Variants in INSIG2 observed in about 807,000 individuals in gnomAD.
INSIG2 encodes insulin induced gene 2, also known as insulin-induced gene 2 protein.
In INSIG2, 10 loss-of-function variants were observed where a neutral mutation model predicts 27.2. The observed-to-expected ratio is 0.37, with a 90% CI of 0.23 to 0.62. The LOEUF (loss-of-function observed/expected upper bound fraction) is 0.62, where lower values mean the gene tolerates loss of function less well. INSIG2 is among the 20% of genes least tolerant of loss of function. INSIG2 has a pLI of 0.65. For missense variants in INSIG2, 178 were observed against 270.2 expected (o/e 0.66, Z 2.39); for synonymous variants, 97 against 95.8 (o/e 1.01, Z -0.07).
rs572183654 is a variant in INSIG2 at position 118,110,956 on chromosome 2, A to G, written c.*2634A>G. On this transcript the variant is annotated 3_prime_UTR_variant, in exon 6 of 6. Coordinates refer to ENST00000245787, the MANE Select transcript of INSIG2 (RefSeq NM_016133.4). ...ATACATCTTGTATTTTCCAGGTAGA[A>G]GTCAGACTTGGTTAATACCAATAAA... is the stretch of plus-strand genomic sequence containing the variant. 1 of 152,344 alleles carries G rather than the reference A, an allele frequency of 6.6e-6. No homozygotes were observed. The highest frequency in any genetic ancestry group is 2.1e-4 in the South Asian group (1 of 4,830). 9.4% of individuals were successfully genotyped at this position (152,344 alleles called of 1,614,324 possible).
chr2:118,096,917 G>A (rs1302104920), intron 2 of INSIG2, 117 bp downstream of exon 2: 24 of 1,156,550 alleles, frequency 2.1e-5, no homozygotes, highest in East Asian at 5.2e-5. Flanking sequence ...ATATAATTTA[G>A]GTATAATACA....
intron 2 of INSIG2, among the ~76,000 whole-genome samples, chr2:118,101,941 C>T (rs1254804775): frequency 1.3e-5 from 2 of 152,206 alleles, no homozygotes; most frequent in Non-Finnish European, 2.9e-5. Flanking sequence ...GGTGGTCACA[C>T]AGCCTTTTTC....
intron 2 of INSIG2, among the ~76,000 whole-genome samples, chr2:118,102,201 C>T (rs1388913840): frequency 6.6e-6 from 1 of 152,210 alleles, no homozygotes. Flanking sequence ...AATGGCACAA[C>T]ATAATCATCC....
chr2:118,106,648 C>A, intron 3 of INSIG2, 89 bp from the exon 4 acceptor site: 1 of 1,019,324 alleles, frequency 9.8e-7, no homozygotes, highest in Non-Finnish European at 1.5e-6. Context: ...TAATTCCCTT[C>A]TCAACAGAGG....
At chr2:118,098,086 A>G (rs1349491497) in intron 2 of INSIG2, among the ~76,000 whole-genome samples, 1 of 152,248 alleles carries the variant, frequency 6.6e-6, no homozygotes, top group East Asian at 1.9e-4. Context: ...AATAAAAAAC[A>G]AATTAAATTG....
intron 2 of INSIG2, 148 bp downstream of exon 2, chr2:118,096,948 C>A: frequency 1.1e-6 from 1 of 874,206 alleles, no homozygotes. Flanking sequence ...TTGAATTGAA[C>A]AACTTGATGT....
At chr2:118,102,102 G>A (rs1457561081) in intron 2 of INSIG2, among the ~76,000 whole-genome samples, 1 of 152,180 alleles carries the variant, frequency 6.6e-6, no homozygotes, top group Non-Finnish European at 1.5e-5. Flanking sequence ...TTAGATTTTG[G>A]CGTTGTAATT....
intron 1 of INSIG2, among the ~76,000 whole-genome samples, chr2:118,093,199 A>G (rs374072998): frequency 4.3e-4 from 17 of 39,940 alleles, no homozygotes; most frequent in African/African-American, 2.2e-3. Flanking sequence ...GAACCTTGCC[A>G]AAAGCAACCA....
At chr2:118,096,936 G>A (rs151261239) in intron 2 of INSIG2, 136 bp downstream of exon 2, 5 of 960,434 alleles carry the variant, frequency 5.2e-6, no homozygotes, top group African/African-American at 5.0e-5. Flanking sequence ...CACTGGACCC[G>A]TTTGAATTGA....
chr2:118,107,818 T>C (rs1678711198), intron 5 of INSIG2, among the ~76,000 whole-genome samples: 1 of 152,212 alleles, frequency 6.6e-6, no homozygotes, highest in Admixed American at 6.5e-5. Context: ...TTGTTTTGAC[T>C]GGAAGCTTTT....
At chr2:118,095,268 C>T (rs1209183403) in intron 1 of INSIG2, among the ~76,000 whole-genome samples, 1 of 152,098 alleles carries the variant, frequency 6.6e-6, no homozygotes, top group Non-Finnish European at 1.5e-5. Context: ...GTATTTTTCC[C>T]ATTTAAAAAC....
chr2:118,105,063 C>T (rs189951743), intron 3 of INSIG2, among the ~76,000 whole-genome samples: 39 of 152,156 alleles, frequency 2.6e-4, no homozygotes, highest in South Asian at 1.0e-3. Context: ...TTTTTTGAGA[C>T]GGAGTCTTGC....
At chr2:118,101,757 T>C (rs1354817564) in intron 2 of INSIG2, among the ~76,000 whole-genome samples, 1 of 152,216 alleles carries the variant, frequency 6.6e-6, no homozygotes, top group Non-Finnish European at 1.5e-5. Context: ...TAAATAGGAA[T>C]ATAGTGTGAA....
In INSIG2 at chr2:118,106,884, G is replaced by GT; in HGVS notation, c.518dup (p.Tyr174IlefsTer2). 6.2e-7 allele frequency: 1 copy of GT among 1,614,040 alleles called. No individual in the cohort carries two copies. The highest frequency in any genetic ancestry group is 8.5e-7 in the Non-Finnish European group (1 of 1,179,942). ...GGCAACTGTGGTCACTCAACTGCTA[G>GT]TATATAATGGTGTTTACCAGTAAGT... On this transcript the variant is annotated frameshift_variant, in exon 4 of 6. Transcript: ENST00000245787. LOFTEE classifies it high-confidence loss of function.
At chr2:118,095,895 T>C (rs1678394261) in intron 1 of INSIG2, among the ~76,000 whole-genome samples, 1 of 152,198 alleles carries the variant, frequency 6.6e-6, no homozygotes, top group Non-Finnish European at 1.5e-5. Flanking sequence ...GATAACCAAA[T>C]AATAAACATT....
intron 1 of INSIG2, among the ~76,000 whole-genome samples, chr2:118,094,851 G>T (rs1001002134): frequency 2.0e-5 from 3 of 152,170 alleles, no homozygotes; most frequent in Admixed American, 6.5e-5. Flanking sequence ...TTCATTCAAA[G>T]GTTGTTTGAT....
Position 118,107,113 on chromosome 2 carries a change from A to G in INSIG2, c.560A>G (p.Tyr187Cys), listed in dbSNP as rs752958767. The change falls in exon 5 of 6, where the codon TAT (tyrosine) becomes TGT (cysteine). Residue 187 changes from tyrosine (Y) to cysteine (C), a missense_variant. Physicochemically the swap from Tyr to Cys is radical, Grantham distance 194. Transcript: ENST00000245787. The stretch of plus-strand genomic sequence containing the variant: ...AGATATACATCTCCAGATTTCCTCT[A>G]TGTTCGTTCTTGGTTACCATGTATA... Reference protein sequence around the residue: ...VYQYTSPDFLYVRSWLPCIFF... With the variant: ...VYQYTSPDFLCVRSWLPCIFF... 3 of 1,612,494 alleles carry G rather than the reference A, an allele frequency of 1.9e-6. No individual in the cohort carries two copies. Among genetic ancestry groups the G allele is most frequent in the Non-Finnish European group, 2.5e-6 (3 of 1,178,660 alleles).
intron 5 of INSIG2, among the ~76,000 whole-genome samples, 153 bp from the exon 6 acceptor site, chr2:118,108,128 A>T (rs2104542391): frequency 6.6e-6 from 1 of 152,080 alleles, no homozygotes; most frequent in East Asian, 1.9e-4. Context: ...TTTGTCATTT[A>T]ATCATAGTAA....
intron 2 of INSIG2, among the ~76,000 whole-genome samples, chr2:118,100,085 G>A (rs1678503588): frequency 1.3e-5 from 2 of 152,112 alleles, no homozygotes; most frequent in Admixed American, 6.5e-5. Context: ...TGTGTCTGAA[G>A]CTTACAGCTT....
Sources: gnomAD v4.1 joint callset for allele counts (sites outside exome capture counted in the v4.1 genomes callset) on GRCh38, gnomAD v4.1.1 for gene constraint, MANE v1.5 for transcripts, NCBI Gene and HGNC (gene_info 2026-07-23, HGNC 2026-07-21) for gene names.